ULK4: variants seen among roughly 807,000 people sequenced by gnomAD.
ULK4 encodes the protein inactive serine/threonine-protein kinase ULK4.
Under a neutral mutation model 160.6 loss-of-function variants are expected in ULK4, and 133 were observed. The ratio of observed to expected loss-of-function variants is 0.83; its 90% confidence interval spans 0.72 to 0.96. ULK4 has a LOEUF of 0.96. Ranked by LOEUF, ULK4 falls within the 40% of genes least tolerant of loss-of-function variation. The probability of loss-of-function intolerance (pLI) is 0.00; values close to 1 mark genes in which losing one functional copy is unlikely to be tolerated. For synonymous variants in ULK4, 534 were observed against 539.8 expected (o/e 0.99, Z 0.15); for missense variants, 1,580 against 1,499.5 (o/e 1.05, Z -0.89).
chr3:41,920,742 A>G lies in ULK4; in HGVS notation c.542-924T>C, dbSNP rs531676962. On this transcript the variant is annotated intron_variant, in intron 5 of 36. Transcript: ENST00000301831. Reference sequence around the variant, plus strand: ...AAGCCTTCCAGCAAATCCTATCTCCAGAGCCCATTACAGCGAGATCAGCAG... The same window carrying G: ...AAGCCTTCCAGCAAATCCTATCTCCGGAGCCCATTACAGCGAGATCAGCAG... Among the ~76,000 whole-genome samples, 47 of 152,208 alleles carry G rather than the reference A, an allele frequency of 3.1e-4. No individual in the cohort carries two copies. The South Asian group carries it at 8.9e-3, about 29-fold the overall frequency.
chr3:41,571,843 C>G (rs2087986472), intron 31 of ULK4, among the ~76,000 whole-genome samples: 2 of 152,162 alleles, frequency 1.3e-5, no homozygotes, highest in Non-Finnish European at 2.9e-5. Context: ...AGCAAGGAGT[C>G]TACACTTTTG....
At chr3:41,772,117 C>T (rs1279537931) in intron 21 of ULK4, among the ~76,000 whole-genome samples, 1 of 152,094 alleles carries the variant, frequency 6.6e-6, no homozygotes, top group Non-Finnish European at 1.5e-5. Context: ...CAAGAGAAAA[C>T]AGGAAAGATC....
intron 22 of ULK4, among the ~76,000 whole-genome samples, chr3:41,747,902 A>T (rs2038472219): frequency 6.6e-6 from 1 of 152,152 alleles, no homozygotes; most frequent in African/African-American, 2.4e-5. Flanking sequence ...TAAGTTGCCC[A>T]ATCTGTCATA....
At chr3:41,705,528 T>C (rs9832006) in intron 25 of ULK4, among the ~76,000 whole-genome samples, 12,159 of 151,860 alleles carry the variant, frequency 0.08, 1,148 homozygotes, top group African/African-American at 0.23. Flanking sequence ...CAGCGTTTTG[T>C]TCTTGTTGCC....
At chr3:41,398,424 C>T (rs1220711572) in intron 34 of ULK4, among the ~76,000 whole-genome samples, 160 bp from the exon 35 acceptor site, 1 of 151,512 alleles carries the variant, frequency 6.6e-6, no homozygotes, top group East Asian at 1.9e-4. Context: ...CACTCTGTTG[C>T]CCAGGCTGGA....
At chr3:41,247,308 C>A (rs2078663609) in intron 36 of ULK4, among the ~76,000 whole-genome samples, 1 of 152,254 alleles carries the variant, frequency 6.6e-6, no homozygotes, top group South Asian at 2.1e-4. Flanking sequence ...GTGGGCCTGC[C>A]TGGCTCCTGC....
chr3:41,617,486 G>T (rs953743052), intron 30 of ULK4, among the ~76,000 whole-genome samples: 10 of 151,446 alleles, frequency 6.6e-5, no homozygotes, highest in Admixed American at 2.6e-4. Context: ...ACAGGGTCTG[G>T]AATGGACCTC....
intron 22 of ULK4, among the ~76,000 whole-genome samples, chr3:41,728,062 C>A (rs2037709921): frequency 6.6e-6 from 1 of 152,140 alleles, no homozygotes; most frequent in Admixed American, 6.5e-5. Context: ...GCAGAAAAAT[C>A]TTTATCAGAC....
At chr3:41,632,617 T>C (rs1045287038) in intron 30 of ULK4, among the ~76,000 whole-genome samples, 14 of 152,170 alleles carry the variant, frequency 9.2e-5, no homozygotes, top group African/African-American at 1.7e-4. Flanking sequence ...CTGAAGAGCA[T>C]TGCAAAGGCT....
intron 32 of ULK4, among the ~76,000 whole-genome samples, chr3:41,501,123 G>T (rs780641179): frequency 2.0e-5 from 3 of 152,148 alleles, no homozygotes. Flanking sequence ...GTGAGAATGC[G>T]AAACAACTGG....
chr3:41,590,791 A>C (rs2125644946), intron 31 of ULK4, among the ~76,000 whole-genome samples: 1 of 152,166 alleles, frequency 6.6e-6, no homozygotes, highest in South Asian at 2.1e-4. Context: ...GAAAAAAAAA[A>C]AAACTCTGAA....
chr3:41,354,023 C>A (rs1427225463), intron 35 of ULK4, among the ~76,000 whole-genome samples: 2 of 152,114 alleles, frequency 1.3e-5, no homozygotes, highest in Non-Finnish European at 2.9e-5. Context: ...CATGAGGATC[C>A]CAGAGCCCTC....
At chr3:41,869,809 G>C (rs535708961) in intron 17 of ULK4, among the ~76,000 whole-genome samples, 1 of 152,088 alleles carries the variant, frequency 6.6e-6, no homozygotes, top group East Asian at 1.9e-4. Flanking sequence ...TACCACTATA[G>C]TACTCTTCAA....
At chr3:41,620,705 C>G (rs537160776) in intron 30 of ULK4, among the ~76,000 whole-genome samples, 61 of 152,012 alleles carry the variant, frequency 4.0e-4, no homozygotes, top group Admixed American at 6.6e-4. Flanking sequence ...AAAACCGGCA[C>G]AAGACAAGGA....
chr3:41,249,603 G>C, intron 35 of ULK4, 29 bp from the exon 36 acceptor site: 8 of 1,606,236 alleles, frequency 5.0e-6, no homozygotes, highest in Non-Finnish European at 6.8e-6. Context: ...GAAGACAGTG[G>C]TCAGCTGACC....
chr3:41,510,816 G>A (rs1028351095), intron 32 of ULK4, among the ~76,000 whole-genome samples: 6 of 152,098 alleles, frequency 3.9e-5, no homozygotes, highest in Non-Finnish European at 7.4e-5. Context: ...AAACCTTTGG[G>A]ATACAGCAAA....
At chr3:41,510,728 T>C (rs2085542077) in intron 32 of ULK4, among the ~76,000 whole-genome samples, 1 of 152,224 alleles carries the variant, frequency 6.6e-6, no homozygotes, top group East Asian at 1.9e-4. Flanking sequence ...TGCTCCTGAA[T>C]GATCATTGGG....
chr3:41,891,841 G>A (rs1697979219), intron 16 of ULK4, among the ~76,000 whole-genome samples: 1 of 152,140 alleles, frequency 6.6e-6, no homozygotes, highest in Non-Finnish European at 1.5e-5. Flanking sequence ...GGAGGCAGAG[G>A]TTGCAGTGAG....
chr3:41,874,043 T>C (rs1162680463), intron 17 of ULK4, among the ~76,000 whole-genome samples: 1 of 152,120 alleles, frequency 6.6e-6, no homozygotes, highest in Non-Finnish European at 1.5e-5. Flanking sequence ...TAAGTCCATA[T>C]ATATGTATAT....
Sources: allele counts gnomAD v4.1 joint callset (sites outside exome capture counted in the v4.1 genomes callset), GRCh38; gene constraint gnomAD v4.1.1; transcripts MANE v1.5; gene names NCBI Gene and HGNC (gene_info 2026-07-23, HGNC 2026-07-21).